Variants in PIBF1 observed in about 807,000 individuals in gnomAD.
PIBF1 encodes progesterone immunomodulatory binding factor 1, also known as progesterone-induced-blocking factor 1.
In PIBF1, 90 loss-of-function variants were observed where a neutral mutation model predicts 112.5. The observed-to-expected ratio is 0.80, with a 90% CI of 0.67 to 0.95. The LOEUF (loss-of-function observed/expected upper bound fraction) is 0.95, where lower values mean the gene tolerates loss of function less well. Ranked by LOEUF, PIBF1 falls within the 40% of genes least tolerant of loss-of-function variation. The probability of loss-of-function intolerance (pLI) is 0.00; values close to 1 mark genes in which losing one functional copy is unlikely to be tolerated. For synonymous variants in PIBF1, 301 were observed against 288.6 expected (o/e 1.04, Z -0.44); for missense variants, 915 against 852.3 (o/e 1.07, Z -0.92).
chr13:72,927,994 CACATATATAT>C (rs1286319056), intron 13 of PIBF1, among the ~76,000 whole-genome samples: 58 of 79,948 alleles, frequency 7.3e-4, no homozygotes, highest in East Asian at 3.1e-3. Flanking sequence ...TATATACACA[CACATATATAT>C]ACATATATAT....
At position 73,015,862 on chromosome 13, in the gene PIBF1, TA is replaced by T; in HGVS notation, c.2224-4del. ...TTATTGGATTTTCTTTTTCTTTTTT[TA>T]AACAGACTAAAAAAGAAGCACCTGA... On this transcript the variant is annotated splice_region_variant and splice_polypyrimidine_tract_variant and intron_variant, in intron 17 of 17. Coordinates refer to ENST00000326291, the MANE Select transcript of PIBF1 (RefSeq NM_006346.4). 1 of 1,550,598 alleles carries T rather than the reference TA, an allele frequency of 6.4e-7. No individual in the cohort carries two copies.
At chr13:72,843,687 C>T (rs2037711080) in intron 9 of PIBF1, among the ~76,000 whole-genome samples, 1 of 152,194 alleles carries the variant, frequency 6.6e-6, no homozygotes. Flanking sequence ...GCTGGGGTTA[C>T]AGGCATGAGC....
chr13:72,932,468 A>G (rs1042530769), intron 14 of PIBF1, among the ~76,000 whole-genome samples: 2 of 152,182 alleles, frequency 1.3e-5, no homozygotes, highest in African/African-American at 2.4e-5. Flanking sequence ...CCTGACACAT[A>G]GTTAATGCTT....
At chr13:72,887,800 T>C (rs1190994107) in intron 10 of PIBF1, among the ~76,000 whole-genome samples, 2 of 152,092 alleles carry the variant, frequency 1.3e-5, no homozygotes, top group African/African-American at 4.8e-5. Flanking sequence ...CTTCCTTTCT[T>C]TTTATATAAC....
chr13:72,957,239 A>G (rs901252589), intron 14 of PIBF1, among the ~76,000 whole-genome samples: 1 of 152,220 alleles, frequency 6.6e-6, no homozygotes, highest in African/African-American at 2.4e-5. Flanking sequence ...ACAATTCACA[A>G]TTGCAAAAAT....
At position 72,972,838 on chromosome 13, in the gene PIBF1, G is replaced by A. The variant is rs1007788191; in HGVS notation, c.1965-753G>A. ...ACGTTCTTTTTTCAAGTTTATCACA[G>A]ACTAAATACCTGATTCACTTACTTA... On this transcript the variant is annotated intron_variant, in intron 15 of 17. Transcript: ENST00000326291. 8.5e-5 allele frequency among the ~76,000 whole-genome samples: 13 copies of A among 152,100 alleles called. No individual in the cohort carries two copies. In the East Asian group the frequency reaches 2.5e-3, roughly 29 times the overall value.
chr13:72,795,891 G>A (rs930497887), intron 4 of PIBF1, among the ~76,000 whole-genome samples: 1 of 152,186 alleles, frequency 6.6e-6, no homozygotes, highest in African/African-American at 2.4e-5. Context: ...AGGAGTCAGC[G>A]TGGTTATAAA....
chr13:72,899,286 C>T (rs2040396749), intron 11 of PIBF1, among the ~76,000 whole-genome samples: 1 of 152,136 alleles, frequency 6.6e-6, no homozygotes, highest in African/African-American at 2.4e-5. Flanking sequence ...AAGCCAGCAT[C>T]ACCCTAATAC....
At chr13:72,983,286 C>T (rs568347901) in intron 16 of PIBF1, among the ~76,000 whole-genome samples, 1 of 152,208 alleles carries the variant, frequency 6.6e-6, no homozygotes, top group South Asian at 2.1e-4. Flanking sequence ...GGCAACAGAG[C>T]GAGACTGTAT....
intron 8 of PIBF1, among the ~76,000 whole-genome samples, chr13:72,828,329 A>G (rs1187201904): frequency 6.7e-6 from 1 of 149,002 alleles, no homozygotes; most frequent in African/African-American, 2.5e-5. Context: ...CAGAATATGC[A>G]GTTTTGTTAC....
At chr13:72,842,586 C>T (rs2037662890) in intron 9 of PIBF1, among the ~76,000 whole-genome samples, 1 of 152,112 alleles carries the variant, frequency 6.6e-6, no homozygotes, top group Non-Finnish European at 1.5e-5. Flanking sequence ...AATCTATTTA[C>T]AAAGGTTAGT....
At chr13:72,892,455 GAA>G (rs1452787489) in intron 10 of PIBF1, among the ~76,000 whole-genome samples, 1 of 152,074 alleles carries the variant, frequency 6.6e-6, no homozygotes, top group Non-Finnish European at 1.5e-5. Context: ...TGACAGGAGT[GAA>G]ATAGCCTTTA....
At chr13:72,805,395 A>C (rs4885045) in intron 5 of PIBF1, among the ~76,000 whole-genome samples, 1 of 151,940 alleles carries the variant, frequency 6.6e-6, no homozygotes, top group African/African-American at 2.4e-5. Flanking sequence ...GCCCGCCTTG[A>C]CCTCCCAAAG....
intron 14 of PIBF1, among the ~76,000 whole-genome samples, chr13:72,961,568 G>A (rs1185124975): frequency 1.3e-5 from 2 of 152,160 alleles, no homozygotes; most frequent in African/African-American, 4.8e-5. Flanking sequence ...ATATATAAAA[G>A]GCTAGACGTT....
intron 6 of PIBF1, among the ~76,000 whole-genome samples, chr13:72,826,047 A>G (rs148233353): frequency 1.6e-5 from 2 of 122,776 alleles, no homozygotes; most frequent in African/African-American, 2.5e-5. Context: ...TCATAAAAAA[A>G]AAAAAAAATT....
chr13:72,956,688 T>C (rs1223225284), intron 14 of PIBF1, among the ~76,000 whole-genome samples: 1 of 152,230 alleles, frequency 6.6e-6, no homozygotes, highest in Non-Finnish European at 1.5e-5. Flanking sequence ...CTTCATCTTC[T>C]AGCCCTTAAA....
chr13:72,856,510 A>G (rs1223807367), intron 10 of PIBF1, among the ~76,000 whole-genome samples: 1 of 152,218 alleles, frequency 6.6e-6, no homozygotes, highest in Non-Finnish European at 1.5e-5. Flanking sequence ...ACACCACTAA[A>G]AATAACCCTT....
At chr13:72,848,559 C>T (rs2037975627) in intron 9 of PIBF1, among the ~76,000 whole-genome samples, 2 of 152,118 alleles carry the variant, frequency 1.3e-5, no homozygotes, top group Non-Finnish European at 1.5e-5. Flanking sequence ...AAGAACTTAA[C>T]TCTTGGCCGG....
At chr13:72,819,052 A>G (rs188831900) in intron 5 of PIBF1, among the ~76,000 whole-genome samples, 7 of 151,952 alleles carry the variant, frequency 4.6e-5, no homozygotes, top group African/African-American at 1.4e-4. Context: ...CAACAAATCT[A>G]CTCACATCTG....
Sources: allele counts gnomAD v4.1 joint callset (sites outside exome capture counted in the v4.1 genomes callset), GRCh38; gene constraint gnomAD v4.1.1; transcripts MANE v1.5; gene names NCBI Gene and HGNC (gene_info 2026-07-23, HGNC 2026-07-21).